Variants in BCL2 observed in about 807,000 individuals in gnomAD.
BCL2 encodes the protein BCL2 apoptosis regulator, also known as apoptosis regulator Bcl-2.
In BCL2, 1 loss-of-function variant was observed where a neutral mutation model predicts 14.2. That is an observed-to-expected ratio of 0.07 (90% CI 0.02 to 0.33). The LOEUF is 0.33. Among genes scored for constraint, BCL2 ranks in the 10% least tolerant of loss-of-function variants. The pLI is 0.99. For synonymous variants in BCL2, 151 were observed against 137.2 expected, an observed-to-expected ratio of 1.10 and a Z score of -0.70; for missense variants, 247 against 305.9, an observed-to-expected ratio of 0.81 and a Z score of 1.44.
At chr18:63,249,378 A>G (rs528363318) in intron 2 of BCL2, among the ~76,000 whole-genome samples, 18 of 152,308 alleles carry the variant, frequency 1.2e-4, no homozygotes, top group African/African-American at 4.1e-4. Context: ...TCACAGAAGG[A>G]TAGATCTGGA....
intron 2 of BCL2, among the ~76,000 whole-genome samples, chr18:63,243,666 C>T (rs917638142): frequency 3.3e-5 from 5 of 152,158 alleles, no homozygotes; most frequent in Non-Finnish European, 5.9e-5. Context: ...GGAAATCGAG[C>T]ATGGGAATCT....
At chr18:63,300,430 AAAG>A (rs1026452338) in intron 2 of BCL2, among the ~76,000 whole-genome samples, 4 of 151,426 alleles carry the variant, frequency 2.6e-5, no homozygotes, top group African/African-American at 9.7e-5. Context: ...AAAAAACAAA[AAAG>A]AAAGAGATCT....
intron 2 of BCL2, among the ~76,000 whole-genome samples, chr18:63,270,764 G>T (rs1182578470): frequency 6.6e-6 from 1 of 151,854 alleles, no homozygotes; most frequent in South Asian, 2.1e-4. Flanking sequence ...CTAATAAATT[G>T]TTCACTGATA....
At chr18:63,131,334 T>C (rs1914064588) in intron 2 of BCL2, among the ~76,000 whole-genome samples, 1 of 151,868 alleles carries the variant, frequency 6.6e-6, no homozygotes, top group African/African-American at 2.4e-5. Flanking sequence ...TTTTTAAATA[T>C]CTATTGTTAA....
chr18:63,257,588 G>A (rs1911518096), intron 2 of BCL2, among the ~76,000 whole-genome samples: 1 of 152,196 alleles, frequency 6.6e-6, no homozygotes, highest in South Asian at 2.1e-4. Flanking sequence ...CTTCGTCTGA[G>A]GACAAATGAC....
Position 63,274,961 on chromosome 18 carries a change from T to C in BCL2, c.585+43121A>G, listed in dbSNP as rs936814699. ...CTACATTCACGGGCCCAAACACCTATTGACCAACACATCTAAGGACAGAAA... is the reference window on the plus strand; with the variant it reads ...CTACATTCACGGGCCCAAACACCTACTGACCAACACATCTAAGGACAGAAA... On this transcript the variant is annotated intron_variant, in intron 2 of 2. Transcript: ENST00000333681. Among the ~76,000 whole-genome samples the C allele has an allele frequency of 9.2e-5, 14 of 152,204 alleles. 1 individual carries two copies. Among genetic ancestry groups the C allele is most frequent in the Admixed American group, 2.0e-4 (3 of 15,282 alleles).
intron 2 of BCL2, among the ~76,000 whole-genome samples, chr18:63,252,072 T>C (rs1911334953): frequency 6.6e-6 from 1 of 152,208 alleles, no homozygotes; most frequent in African/African-American, 2.4e-5. Context: ...AGCATTAAAG[T>C]ATGCAAAGAA....
chr18:63,216,808 G>C (rs765233516), intron 2 of BCL2, among the ~76,000 whole-genome samples: 2 of 152,184 alleles, frequency 1.3e-5, no homozygotes, highest in Non-Finnish European at 2.9e-5. Flanking sequence ...ATGTGATTCT[G>C]GCTTGATTCG....
rs147777348 is a variant in BCL2 at position 63,125,113 on chromosome 18, C to A, written c.*3512G>T. On this transcript the variant is annotated 3_prime_UTR_variant, in exon 3 of 3. Coordinates refer to ENST00000333681, the MANE Select transcript of BCL2 (RefSeq NM_000633.3). Reference sequence around the variant, plus strand: ...TAATCTTGATTATTATAACTCCTCTCGATTTATAATCACTTCCTAATTTTT... The same window carrying A: ...TAATCTTGATTATTATAACTCCTCTAGATTTATAATCACTTCCTAATTTTT... 2 of 220,634 alleles carry A rather than the reference C, an allele frequency of 9.1e-6. No homozygotes were observed. Among genetic ancestry groups the A allele is most frequent in the African/African-American group, 4.5e-5 (2 of 44,744 alleles). 13.7% of individuals were successfully genotyped at this position (220,634 alleles called of 1,614,324 possible).
intron 2 of BCL2, among the ~76,000 whole-genome samples, chr18:63,277,523 G>A (rs1351124590): frequency 6.6e-6 from 1 of 151,712 alleles, no homozygotes; most frequent in African/African-American, 2.4e-5. Flanking sequence ...AGTGCCTTGG[G>A]AGGCTGAGGC....
At chr18:63,147,168 G>A (rs74860472) in intron 2 of BCL2, among the ~76,000 whole-genome samples, 2,368 of 152,224 alleles carry the variant, frequency 0.016, 75 homozygotes, top group African/African-American at 0.055. Flanking sequence ...GAGTGTCGAC[G>A]CACCCTTTCT....
intron 2 of BCL2, among the ~76,000 whole-genome samples, chr18:63,266,150 T>C (rs2144231992): frequency 6.6e-6 from 1 of 152,036 alleles, no homozygotes; most frequent in South Asian, 2.1e-4. Flanking sequence ...TACTAGAAAA[T>C]GTTTGAGAAC....
intron 2 of BCL2, among the ~76,000 whole-genome samples, chr18:63,145,517 T>A (rs1451079916): frequency 6.6e-6 from 1 of 152,254 alleles, no homozygotes; most frequent in South Asian, 2.1e-4. Context: ...TTTTCTCTAC[T>A]CACATTTAAA....
Position 63,264,061 on chromosome 18 carries a change from C to T in BCL2, c.585+54021G>A, listed in dbSNP as rs1204931688. On this transcript the variant is annotated intron_variant, in intron 2 of 2. Coordinates refer to ENST00000333681, the MANE Select transcript of BCL2 (RefSeq NM_000633.3). ...CTGGGATTACAGGCGTGAGCCACCA[C>T]GCCCAGCCTGCTGCGAATCTTAAAT... Among the ~76,000 whole-genome samples, 8 of 152,188 alleles carry T rather than the reference C, an allele frequency of 5.3e-5. No homozygotes were observed. In the South Asian group the frequency reaches 8.3e-4, roughly 16 times the overall value.
chr18:63,271,719 C>G (rs1912008397), intron 2 of BCL2, among the ~76,000 whole-genome samples: 1 of 152,212 alleles, frequency 6.6e-6, no homozygotes, highest in South Asian at 2.1e-4. Context: ...CAATGAATGG[C>G]TCAGTTATTT....
chr18:63,188,414 A>G (rs1351860505), intron 2 of BCL2, among the ~76,000 whole-genome samples: 2 of 152,218 alleles, frequency 1.3e-5, no homozygotes, highest in Admixed American at 1.3e-4. Flanking sequence ...TTAGCACATC[A>G]TAGGGGTTCA....
intron 2 of BCL2, among the ~76,000 whole-genome samples, chr18:63,198,952 C>T (rs1296466790): frequency 1.4e-5 from 2 of 146,954 alleles, no homozygotes; most frequent in Non-Finnish European, 3.0e-5. Context: ...GACACAGAGA[C>T]ACACACAGAC....
At chr18:63,268,205 TGTATGCCTCA>T (rs1911891609) in intron 2 of BCL2, among the ~76,000 whole-genome samples, 1 of 152,218 alleles carries the variant, frequency 6.6e-6, no homozygotes, top group South Asian at 2.1e-4. Context: ...GAACACCAAG[TGTATGCCTCA>T]TGAGTGCTGT....
At chr18:63,216,318 C>T (rs1910200616) in intron 2 of BCL2, among the ~76,000 whole-genome samples, 1 of 149,452 alleles carries the variant, frequency 6.7e-6, no homozygotes. Flanking sequence ...GAATCAGTAA[C>T]GTCAAGGTGA....
Sources: gnomAD v4.1 joint callset for allele counts (sites outside exome capture counted in the v4.1 genomes callset) on GRCh38, gnomAD v4.1.1 for gene constraint, MANE v1.5 for transcripts, NCBI Gene and HGNC (gene_info 2026-07-23, HGNC 2026-07-21) for gene names.